Variants in FRMPD4 observed in about 807,000 individuals in gnomAD.
FRMPD4 encodes the protein FERM and PDZ domain-containing protein 4.
In FRMPD4, 22 loss-of-function variants were observed where a neutral mutation model predicts 94.1. That is an observed-to-expected ratio of 0.23 (90% confidence interval 0.17 to 0.33). The LOEUF is 0.33. FRMPD4 is among the 10% of genes least tolerant of loss of function. FRMPD4 has a pLI of 1.00. For missense variants in FRMPD4, 1,111 were observed against 1,339.9 expected, an observed-to-expected ratio of 0.83 and a Z score of 2.67; for synonymous variants, 631 against 548.6, an observed-to-expected ratio of 1.15 and a Z score of -2.10.
chrX:12,310,734 A>G (rs747655322), intron 1 of FRMPD4, among the ~76,000 whole-genome samples: 1 of 112,350 alleles, frequency 8.9e-6, no homozygotes, highest in South Asian at 3.7e-4. Flanking sequence ...ATTTTCAATT[A>G]GGGCAGTACC....
At chrX:12,177,171 A>T (rs2056305538) in intron 1 of FRMPD4, among the ~76,000 whole-genome samples, 1 of 111,955 alleles carries the variant, frequency 8.9e-6, no homozygotes, top group Non-Finnish European at 1.9e-5. Context: ...TTCATTCTAA[A>T]ATATTAATTT....
intron 3 of FRMPD4, among the ~76,000 whole-genome samples, chrX:11,969,713 G>A (rs770933213): frequency 9.0e-6 from 1 of 111,609 alleles, no homozygotes; most frequent in South Asian, 3.8e-4. Flanking sequence ...GGATTAGGGA[G>A]GTACAGGAAG....
At chrX:12,154,530 C>T (rs1479540878) in intron 1 of FRMPD4, among the ~76,000 whole-genome samples, 2 of 112,128 alleles carry the variant, frequency 1.8e-5, no homozygotes, top group Non-Finnish European at 3.8e-5. Context: ...CCTGCCCTTC[C>T]AGGTTATCCA....
At chrX:12,150,151 A>C (rs921551751) in intron 1 of FRMPD4, among the ~76,000 whole-genome samples, 1 of 112,468 alleles carries the variant, frequency 8.9e-6, no homozygotes, top group African/African-American at 3.2e-5. Context: ...AGTAGTCTGG[A>C]ACCAAACCTG....
intron 4 of FRMPD4, among the ~76,000 whole-genome samples, chrX:12,654,067 A>G (rs779816385): frequency 1.9e-3 from 209 of 112,356 alleles, no homozygotes; most frequent in African/African-American, 6.4e-3. Flanking sequence ...CACCGTGCCC[A>G]GCCAAAAACC....
Position 12,485,954 on chromosome X carries a change from C to T in FRMPD4, c.42-12726C>T, listed in dbSNP as rs1209097979. Among the ~76,000 whole-genome samples, 4 of 109,813 alleles carry T rather than the reference C, an allele frequency of 3.6e-5. No homozygotes were observed. The East Asian group carries it at 1.1e-3, about 31-fold the overall frequency. ...CAGAGATGACTATTAATGTGAAGTG[C>T]AAGTTTTGTTCAGGAGCCATATTTT... On this transcript the variant is annotated intron_variant, in intron 1 of 16. Coordinates refer to ENST00000675598, the MANE Select transcript of FRMPD4 (RefSeq NM_001368397.1).
chrX:11,947,202 A>G (rs1481365161), intron 3 of FRMPD4, among the ~76,000 whole-genome samples: 1 of 112,078 alleles, frequency 8.9e-6, no homozygotes, highest in Non-Finnish European at 1.9e-5. Flanking sequence ...ATACCACCTT[A>G]CATTTCTAAA....
intron 2 of FRMPD4, among the ~76,000 whole-genome samples, chrX:12,585,545 C>T (rs752740218): frequency 8.9e-6 from 1 of 112,195 alleles, no homozygotes; most frequent in East Asian, 2.8e-4. Context: ...TTCCCATCTC[C>T]CATTCCACCT....
At chrX:12,414,266 G>A (rs1404848417) in intron 1 of FRMPD4, among the ~76,000 whole-genome samples, 1 of 112,080 alleles carries the variant, frequency 8.9e-6, no homozygotes, top group Non-Finnish European at 1.9e-5. Context: ...GTGTAACTTT[G>A]ATCTGCCCAT....
In FRMPD4 at chrX:12,274,941, G is replaced by A. The variant is rs1044247385; in HGVS notation, c.41+135929G>A. The stretch of plus-strand genomic sequence containing the variant: ...GGAGAATGGCGTGAACCCGGGAGGC[G>A]GAGCTTGCAGTGAGCGGTGATCGCG... On this transcript the variant is annotated intron_variant, in intron 1 of 16. Coordinates refer to ENST00000675598, the MANE Select transcript of FRMPD4 (RefSeq NM_001368397.1). Among the ~76,000 whole-genome samples, 30 of 111,939 alleles carry A rather than the reference G, an allele frequency of 2.7e-4. 1 individual carries two copies. The highest frequency in any genetic ancestry group is 6.8e-4 in the African/African-American group (21 of 30,790).
At chrX:12,139,089 G>A (rs2055649002) in intron 1 of FRMPD4, 77 bp downstream of exon 1, 1 of 871,586 alleles carries the variant, frequency 1.1e-6, no homozygotes, top group Non-Finnish European at 1.6e-6. Flanking sequence ...TCGGGAGGCT[G>A]GGTAGAGGCA....
At chrX:12,492,626 C>T (rs1392684901) in intron 1 of FRMPD4, among the ~76,000 whole-genome samples, 1 of 111,459 alleles carries the variant, frequency 9.0e-6, no homozygotes, top group Non-Finnish European at 1.9e-5. Context: ...GTGCTTTTCC[C>T]CCTTTACTAT....
chrX:12,014,284 A>G (rs1457239204), intron 3 of FRMPD4, among the ~76,000 whole-genome samples: 1 of 112,381 alleles, frequency 8.9e-6, no homozygotes, highest in East Asian at 2.8e-4. Flanking sequence ...AGAGAAGACA[A>G]CTGCTATCCA....
intron 2 of FRMPD4, among the ~76,000 whole-genome samples, chrX:12,535,249 TC>T (rs940585060): frequency 5.4e-5 from 6 of 111,567 alleles, no homozygotes; most frequent in South Asian, 3.8e-4. Context: ...TTGTGAGCCC[TC>T]CCCAGCCACA....
intron 9 of FRMPD4, among the ~76,000 whole-genome samples, chrX:12,695,796 T>C (rs187789071): frequency 9.2e-6 from 1 of 108,798 alleles, no homozygotes; most frequent in East Asian, 2.9e-4. Context: ...AGTTTCGCTC[T>C]TGTTGCCTTG....
At chrX:12,223,137 T>C (rs1454435020) in intron 1 of FRMPD4, among the ~76,000 whole-genome samples, 4 of 111,759 alleles carry the variant, frequency 3.6e-5, no homozygotes, top group African/African-American at 1.3e-4. Context: ...TGTTCTACCA[T>C]AAAGACACAT....
At chrX:12,270,017 A>C (rs762411721) in intron 1 of FRMPD4, among the ~76,000 whole-genome samples, 1 of 112,358 alleles carries the variant, frequency 8.9e-6, no homozygotes, top group Admixed American at 9.4e-5. Context: ...TTTAATTTCC[A>C]AAATTCTAAT....
intron 2 of FRMPD4, among the ~76,000 whole-genome samples, chrX:12,609,068 A>T (rs73196375): frequency 0.36 from 39,946 of 111,591 alleles, 6,195 homozygotes; most frequent in Non-Finnish European, 0.49. Context: ...CTGTATTCTT[A>T]CAATAAAGTT....
At chrX:12,155,635 C>T (rs760237954) in intron 1 of FRMPD4, among the ~76,000 whole-genome samples, 20 of 90,123 alleles carry the variant, frequency 2.2e-4, no homozygotes, top group African/African-American at 8.7e-4. Flanking sequence ...GAGACGAAAG[C>T]AAGGTATGTT....
Sources: allele counts gnomAD v4.1 joint callset (sites outside exome capture counted in the v4.1 genomes callset), GRCh38; gene constraint gnomAD v4.1.1; transcripts MANE v1.5; gene names NCBI Gene and HGNC (gene_info 2026-07-23, HGNC 2026-07-21).